Variants in ASB15 observed in about 807,000 individuals in gnomAD.
The protein encoded by ASB15 is ankyrin repeat and SOCS box protein 15.
A neutral mutation model predicts 58.0 loss-of-function variants in ASB15; 54 were observed. That is an observed-to-expected ratio of 0.93 (90% CI 0.75 to 1.17). The LOEUF is 1.17. Among genes scored for constraint, ASB15 ranks in the 50% most tolerant of loss-of-function variants. The probability of loss-of-function intolerance (pLI) is 0.00; values close to 1 mark genes in which losing one functional copy is unlikely to be tolerated. For synonymous variants in ASB15, 249 were observed against 262.4 expected (o/e 0.95, Z 0.50); for missense variants, 680 against 707.4 (o/e 0.96, Z 0.44).
chr7:123,620,878 T>C (rs1056732280), intron 7 of ASB15, among the ~76,000 whole-genome samples: 2 of 151,862 alleles, frequency 1.3e-5, no homozygotes, highest in Non-Finnish European at 2.9e-5. Context: ...CTATATTATT[T>C]TTTAAAGGCC....
At chr7:123,578,712 A>T (rs1259884700) in intron 1 of ASB15, among the ~76,000 whole-genome samples, 1 of 152,114 alleles carries the variant, frequency 6.6e-6, no homozygotes, top group African/African-American at 2.4e-5. Flanking sequence ...TCAGGGAGAC[A>T]TTGAATGCAC....
At chr7:123,634,228 T>C (rs1181612013) in intron 11 of ASB15, among the ~76,000 whole-genome samples, 1 of 149,930 alleles carries the variant, frequency 6.7e-6, no homozygotes, top group East Asian at 2.0e-4. Flanking sequence ...CCCCACCCAG[T>C]ATGTGCTGTT....
rs941961491 is a variant in ASB15, at chr7:123,619,008, T to C, written c.451+1271T>C. Among the ~76,000 whole-genome samples, 5 of 151,766 alleles carry C rather than the reference T, an allele frequency of 3.3e-5. No individual in the cohort carries two copies. In the East Asian group the frequency reaches 9.7e-4, roughly 30 times the overall value. On this transcript the variant is annotated intron_variant, in intron 7 of 11. Coordinates refer to ENST00000451215, the MANE Select transcript of ASB15 (RefSeq NM_001290258.2). Reference sequence around the variant, plus strand: ...GGCCAGCATGGTGAAACCCCGTCTCTACTAAAAATACAAAAACAAAAATTA... The same window carrying C: ...GGCCAGCATGGTGAAACCCCGTCTCCACTAAAAATACAAAAACAAAAATTA...
chr7:123,602,290 A>T (rs980322432), intron 1 of ASB15, among the ~76,000 whole-genome samples: 1 of 152,164 alleles, frequency 6.6e-6, no homozygotes, highest in Non-Finnish European at 1.5e-5. Flanking sequence ...TAAATAAAAT[A>T]AATCTTTTAA....
At chr7:123,620,700 C>G (rs1333468712) in intron 7 of ASB15, among the ~76,000 whole-genome samples, 1 of 146,166 alleles carries the variant, frequency 6.8e-6, no homozygotes, top group African/African-American at 2.5e-5. Flanking sequence ...GTAGCTGGGA[C>G]TACAGGCGCC....
intron 1 of ASB15, among the ~76,000 whole-genome samples, chr7:123,589,161 T>C (rs1235977813): frequency 6.6e-5 from 10 of 151,820 alleles, no homozygotes; most frequent in Admixed American, 6.6e-4. Flanking sequence ...CCTACTATTA[T>C]TGTCTATTTC....
At chr7:123,615,262 T>C (rs928748833) in intron 4 of ASB15, 1 of 152,186 alleles carries the variant, frequency 6.6e-6, no homozygotes, top group East Asian at 1.9e-4. Context: ...AGTAAATTTC[T>C]TTCTTAAAAA....
At position 123,634,504 on chromosome 7, in the gene ASB15, A is replaced by G. The variant is rs1343047221; in HGVS notation, c.1595-2305A>G. Among the ~76,000 whole-genome samples, 4 of 152,332 alleles carry G rather than the reference A, an allele frequency of 2.6e-5. No individual in the cohort carries two copies. In the East Asian group the frequency reaches 5.8e-4, roughly 22 times the overall value. On this transcript the variant is annotated intron_variant, in intron 11 of 11. Coordinates refer to ENST00000451215, the MANE Select transcript of ASB15 (RefSeq NM_001290258.2). ...CTTTGCTATTGCAAATAGGGCTGCA[A>G]TGAATATACGTGTGCATGTATCTTT...
chr7:123,611,199 T>A (rs1473017909), intron 3 of ASB15, among the ~76,000 whole-genome samples: 1 of 152,160 alleles, frequency 6.6e-6, no homozygotes, highest in Non-Finnish European at 1.5e-5. Flanking sequence ...TCCTCATGCT[T>A]CTGAGTAGTG....
intron 1 of ASB15, among the ~76,000 whole-genome samples, chr7:123,586,168 T>C (rs1799369341): frequency 6.6e-6 from 1 of 151,864 alleles, no homozygotes; most frequent in African/African-American, 2.4e-5. Context: ...TTTTCCATAA[T>C]GGCTGTACGA....
At chr7:123,582,195 A>T (rs1799252378) in intron 1 of ASB15, among the ~76,000 whole-genome samples, 1 of 151,918 alleles carries the variant, frequency 6.6e-6, no homozygotes, top group Non-Finnish European at 1.5e-5. Flanking sequence ...GGCCCAGACC[A>T]CTTTGAGGGA....
At chr7:123,626,594 TG>T (rs760083139) in intron 8 of ASB15, among the ~76,000 whole-genome samples, 1 of 152,250 alleles carries the variant, frequency 6.6e-6, no homozygotes, top group Non-Finnish European at 1.5e-5. Context: ...TCATGATTTT[TG>T]GCCCAAAGAT....
chr7:123,634,634 CTT>C (rs955864743), intron 11 of ASB15, among the ~76,000 whole-genome samples: 5 of 152,134 alleles, frequency 3.3e-5, no homozygotes, highest in African/African-American at 1.2e-4. Context: ...AAAAGAAAGA[CTT>C]AAGCATTTAT....
At chr7:123,613,470 C>T (rs949737460) in intron 3 of ASB15, among the ~76,000 whole-genome samples, 1 of 152,086 alleles carries the variant, frequency 6.6e-6, no homozygotes, top group Non-Finnish European at 1.5e-5. Context: ...AAGCAATTGA[C>T]TCAATAGTAA....
chr7:123,603,862 T>C (rs1800008352), intron 1 of ASB15, among the ~76,000 whole-genome samples, 170 bp from the exon 2 acceptor site: 2 of 152,200 alleles, frequency 1.3e-5, no homozygotes, highest in Non-Finnish European at 2.9e-5. Flanking sequence ...GTCTGTAACA[T>C]AATAGCCTAA....
At chr7:123,630,409 G>A (rs972024054) in intron 11 of ASB15, among the ~76,000 whole-genome samples, 3 of 152,136 alleles carry the variant, frequency 2.0e-5, no homozygotes, top group African/African-American at 7.2e-5. Context: ...TACGTAGACT[G>A]CAAGCTCCAT....
At chr7:123,605,331 A>G (rs1337744435) in intron 2 of ASB15, among the ~76,000 whole-genome samples, 1 of 152,236 alleles carries the variant, frequency 6.6e-6, no homozygotes, top group Non-Finnish European at 1.5e-5. Flanking sequence ...ACTACTAAAA[A>G]GTCAAAAAAT....
rs147238916 is a variant in ASB15, at chr7:123,610,453, T to C, written c.-3+1799T>C. 8.8e-3 allele frequency among the ~76,000 whole-genome samples: 1,341 copies of C among 152,334 alleles called. 19 individuals carry two copies. Among genetic ancestry groups the C allele is most frequent in the African/African-American group, 0.03 (1,249 of 41,570 alleles). Reference sequence around the variant, plus strand: ...TCACCAAAGTTCCCTTTTCTCACTATCTGAATTAAGGATTTAACATAGCCT... The same window carrying C: ...TCACCAAAGTTCCCTTTTCTCACTACCTGAATTAAGGATTTAACATAGCCT... On this transcript the variant is annotated intron_variant, in intron 3 of 11. Transcript: ENST00000451215.
intron 1 of ASB15, among the ~76,000 whole-genome samples, chr7:123,587,477 A>G (rs2116342198): frequency 6.6e-6 from 1 of 151,386 alleles, no homozygotes; most frequent in African/African-American, 2.4e-5. Context: ...TATACATGGT[A>G]TTATGTCATC....
Sources: gnomAD v4.1 joint callset for allele counts (sites outside exome capture counted in the v4.1 genomes callset) on GRCh38, gnomAD v4.1.1 for gene constraint, MANE v1.5 for transcripts, NCBI Gene and HGNC (gene_info 2026-07-23, HGNC 2026-07-21) for gene names.